Variants in UVSSA observed in about 807,000 individuals in gnomAD.
UVSSA encodes UV stimulated scaffold protein A, also known as UV-stimulated scaffold protein A.
A neutral mutation model predicts 73.9 loss-of-function variants in UVSSA; 72 were observed. That is an observed-to-expected ratio of 0.97 (90% CI 0.81 to 1.19). UVSSA has a LOEUF of 1.19. Ranked by LOEUF, UVSSA falls within the 50% of genes most tolerant of loss-of-function variation. The pLI, the probability that UVSSA is intolerant of heterozygous loss-of-function variation, is 0.00. For missense variants in UVSSA, 1,150 were observed against 965.0 expected (o/e 1.19, Z -2.54); for synonymous variants, 454 against 391.3 (o/e 1.16, Z -1.89).
intron 8 of UVSSA, 79 bp from the exon 9 acceptor site, chr4:1,375,285 T>A: frequency 6.3e-7 from 1 of 1,583,926 alleles, no homozygotes; most frequent in Non-Finnish European, 8.6e-7. Context: ...CATAGGCGCG[T>A]CCTAACTGCC....
At chr4:1,366,130 GGT>G in intron 7 of UVSSA, 188 bp from the exon 8 acceptor site, 1 of 551,304 alleles carries the variant, frequency 1.8e-6, no homozygotes, top group Non-Finnish European at 3.3e-6. Flanking sequence ...GTGCAGAGGT[GGT>G]GTGATTTTGG....
chr4:1,370,154 T>A (rs2109228027), intron 8 of UVSSA, among the ~76,000 whole-genome samples: 1 of 152,300 alleles, frequency 6.6e-6, no homozygotes, highest in African/African-American at 2.4e-5. Context: ...TATATTTCAT[T>A]CTTGTAACTC....
chr4:1,376,104 G>T lies in UVSSA; in HGVS notation c.1504G>T (p.Val502Leu), dbSNP rs192415191. ...LAAERARAPVVPYGVDLHYWG... is the reference protein window; with the variant it reads ...LAAERARAPVLPYGVDLHYWG... Reference sequence around the variant, plus strand: ...AGCAGAGCGGGCCCGGGCGCCTGTGGTGCCCTACGGCGTGGACCTGCACTA... The same window carrying T: ...AGCAGAGCGGGCCCGGGCGCCTGTGTTGCCCTACGGCGTGGACCTGCACTA... The change falls in exon 10 of 14, where the codon GTG becomes TTG. Residue 502 changes from valine to leucine, a missense_variant. Coordinates refer to ENST00000389851, the MANE Select transcript of UVSSA (RefSeq NM_020894.4). 106 of 1,606,566 alleles carry T rather than the reference G, an allele frequency of 6.6e-5. No homozygotes were observed. The South Asian group carries it at 1.1e-3, about 17-fold the overall frequency.
At chr4:1,350,671 C>T (rs1174135312) in intron 3 of UVSSA, among the ~76,000 whole-genome samples, 2 of 152,010 alleles carry the variant, frequency 1.3e-5, no homozygotes, top group Admixed American at 6.6e-5. Context: ...GGTGCACACC[C>T]ACAGTCCCAC....
At chr4:1,354,501 G>A (rs1577298754) in intron 5 of UVSSA, 2 of 549,460 alleles carry the variant, frequency 3.6e-6, no homozygotes, top group Non-Finnish European at 6.6e-6. Flanking sequence ...CTGAGACACA[G>A]GCAGTGGAGC....
chr4:1,371,225 G>T (rs181155961), intron 8 of UVSSA, among the ~76,000 whole-genome samples: 4 of 151,662 alleles, frequency 2.6e-5, no homozygotes, highest in African/African-American at 9.7e-5. Flanking sequence ...CAGCTCACCC[G>T]TGTTCAGTGA....
chr4:1,384,079 C>A, intron 13 of UVSSA, 139 bp downstream of exon 13: 1 of 1,153,184 alleles, frequency 8.7e-7, no homozygotes, highest in Non-Finnish European at 1.2e-6. Flanking sequence ...CCCTGGGGGA[C>A]CACCCAGCCT....
chr4:1,372,194 C>T (rs73793387), intron 8 of UVSSA, among the ~76,000 whole-genome samples: 49 of 152,272 alleles, frequency 3.2e-4, no homozygotes, highest in Non-Finnish European at 2.6e-4. Context: ...TTTCACTAAC[C>T]GTTGTATCAA....
In UVSSA at chr4:1,374,564, T is replaced by C. The variant is rs1291668179; in HGVS notation, c.1289-800T>C. ...GGGGCTGGTGGCCTCGTCCCTGTCA[T>C]CTCTGTGGGACGTTGGTGAGACGCA... is the stretch of plus-strand genomic sequence containing the variant. On this transcript the variant is annotated intron_variant, in intron 8 of 13. Coordinates refer to ENST00000389851, the MANE Select transcript of UVSSA (RefSeq NM_020894.4). Among the ~76,000 whole-genome samples the C allele has an allele frequency of 2.0e-5, 3 of 152,298 alleles. No individual in the cohort carries two copies. In the East Asian group the frequency reaches 5.8e-4, roughly 29 times the overall value.
chr4:1,379,054 C>A (rs1719118891), intron 10 of UVSSA, among the ~76,000 whole-genome samples: 1 of 150,820 alleles, frequency 6.6e-6, no homozygotes. Flanking sequence ...GGCTGTGCTC[C>A]TGTCTGTGGA....
chr4:1,349,765 A>T lies in UVSSA; in HGVS notation c.340A>T (p.Thr114Ser), dbSNP rs766089626. The T allele has an allele frequency of 6.2e-7, 1 of 1,607,692 alleles. No individual in the cohort carries two copies. Among genetic ancestry groups the T allele is most frequent in the Non-Finnish European group, 8.5e-7 (1 of 1,176,280 alleles). The change falls in exon 3 of 14, where the codon ACC becomes TCC. Residue 114 changes from threonine to serine, a missense_variant. Transcript: ENST00000389851. ...GGCACAGAGGCTGAGGCAGGCGACCACCCGGGCCGTGGAAGGGTGGAATGA... is the reference window on the plus strand; with the variant it reads ...GGCACAGAGGCTGAGGCAGGCGACCTCCCGGGCCGTGGAAGGGTGGAATGA... Reference protein sequence around the residue: ...EAAQRLRQATTRAVEGWNEKF... With the variant: ...EAAQRLRQATSRAVEGWNEKF...
chr4:1,344,978 G>A (rs978954676), upstream of UVSSA, among the ~76,000 whole-genome samples: 2 of 152,176 alleles, frequency 1.3e-5, no homozygotes, highest in African/African-American at 2.4e-5. Context: ...GAAGTCAACC[G>A]GTGGGATGCA....
intron 5 of UVSSA, among the ~76,000 whole-genome samples, chr4:1,354,147 G>T (rs1301184469): frequency 6.6e-6 from 1 of 152,238 alleles, no homozygotes; most frequent in Non-Finnish European, 1.5e-5. Context: ...CTGATCCTCG[G>T]GTCTCAGCTG....
intron 4 of UVSSA, among the ~76,000 whole-genome samples, chr4:1,352,152 GTT>G (rs1250887288): frequency 1.3e-5 from 2 of 152,240 alleles, no homozygotes; most frequent in East Asian, 3.8e-4. Context: ...CCTGCCACCT[GTT>G]TATTTTGTGG....
Position 1,395,122 on chromosome 4 carries a change from G to C in UVSSA, c.*9161G>C, listed in dbSNP as rs79300175. ...GAGTGCTCGCCTGCTCACACGTGCC[G>C]ATGTGGAGTGCCTGCCTGCTCACAC... On this transcript the variant is annotated 3_prime_UTR_variant, in exon 14 of 14. Transcript: ENST00000511216. 2.4e-3 allele frequency: 2,996 copies of C among 1,222,962 alleles called. 705 individuals carry two copies. The highest frequency in any genetic ancestry group is 0.011 in the African/African-American group (570 of 50,246). 75.8% of individuals were successfully genotyped at this position (1,222,962 alleles called of 1,614,324 possible).
chr4:1,365,489 A>C (rs747954605), intron 7 of UVSSA, among the ~76,000 whole-genome samples: 7 of 152,204 alleles, frequency 4.6e-5, no homozygotes, highest in Non-Finnish European at 8.8e-5. Context: ...GGGGAAAAAG[A>C]AAGCAAGCCT....
At chr4:1,370,746 A>G (rs1717930219) in intron 8 of UVSSA, among the ~76,000 whole-genome samples, 1 of 152,240 alleles carries the variant, frequency 6.6e-6, no homozygotes, top group Non-Finnish European at 1.5e-5. Context: ...GCTACTGAGC[A>G]CAGGGTGCAT....
chr4:1,358,845 C>T (rs1035773939), intron 7 of UVSSA, among the ~76,000 whole-genome samples: 15 of 152,240 alleles, frequency 9.9e-5, no homozygotes, highest in Admixed American at 6.5e-5. Context: ...TAGAACAGGG[C>T]ACGCTAATTC....
At chr4:1,377,108 G>A (rs1489032889) in intron 10 of UVSSA, among the ~76,000 whole-genome samples, 2 of 152,200 alleles carry the variant, frequency 1.3e-5, no homozygotes, top group Non-Finnish European at 2.9e-5. Context: ...TCCGTGTGAG[G>A]GGCTGATGTC....
Sources: allele counts gnomAD v4.1 joint callset (sites outside exome capture counted in the v4.1 genomes callset), GRCh38; gene constraint gnomAD v4.1.1; transcripts MANE v1.5; gene names NCBI Gene and HGNC (gene_info 2026-07-23, HGNC 2026-07-21).